The following SORCS1 variants were observed in gnomAD, a reference collection of about 807,000 sequenced individuals.
SORCS1 encodes the protein VPS10 domain-containing receptor SorCS1.
A neutral mutation model predicts 146.1 loss-of-function variants in SORCS1; 60 were observed. That is an observed-to-expected ratio of 0.41 (90% CI 0.33 to 0.51). The LOEUF (loss-of-function observed/expected upper bound fraction) is 0.51, where lower values mean the gene tolerates loss of function less well. SORCS1 is among the 20% of genes least tolerant of loss of function. SORCS1 has a pLI of 0.21. For missense variants in SORCS1, 1,352 were observed against 1,487.6 expected (o/e 0.91, Z 1.50); for synonymous variants, 637 against 584.0 (o/e 1.09, Z -1.31).
At chr10:106,906,843 G>A (rs1353248988) in intron 2 of SORCS1, among the ~76,000 whole-genome samples, 1 of 152,156 alleles carries the variant, frequency 6.6e-6, no homozygotes, top group Non-Finnish European at 1.5e-5. Context: ...AATAGAGTAT[G>A]GGATGTTCAA....
chr10:106,744,776 G>A (rs1857599464), intron 5 of SORCS1, among the ~76,000 whole-genome samples: 1 of 152,122 alleles, frequency 6.6e-6, no homozygotes, highest in African/African-American at 2.4e-5. Flanking sequence ...ACAGGAAAAG[G>A]TAAAACAGAG....
intron 2 of SORCS1, among the ~76,000 whole-genome samples, chr10:106,870,272 G>C (rs539196684): frequency 6.6e-6 from 1 of 152,278 alleles, no homozygotes; most frequent in African/African-American, 2.4e-5. Context: ...GCTGGCCAAA[G>C]CAACCTACAG....
At chr10:107,130,472 C>T (rs1467379126) in intron 1 of SORCS1, among the ~76,000 whole-genome samples, 2 of 152,144 alleles carry the variant, frequency 1.3e-5, no homozygotes, top group African/African-American at 4.8e-5. Context: ...TAATCAAAAA[C>T]TTTCCAAAAT....
intron 8 of SORCS1, among the ~76,000 whole-genome samples, chr10:106,704,561 G>T (rs927011817): frequency 1.1e-4 from 16 of 152,068 alleles, no homozygotes; most frequent in African/African-American, 3.4e-4. Context: ...TTGGTGGCAC[G>T]CTCCTGTAGT....
In SORCS1 at chr10:106,582,219, G is replaced by A. The variant is rs7896184; in HGVS notation, c.3266-2745C>T. 7.1e-3 allele frequency among the ~76,000 whole-genome samples: 1,085 copies of A among 151,898 alleles called. 17 individuals are homozygous for A. The highest frequency in any genetic ancestry group is 0.025 in the African/African-American group (1,028 of 41,388). On this transcript the variant is annotated intron_variant, in intron 24 of 25. Transcript: ENST00000263054. ...TCTCCCCATCCCCAGGTTGTCTTTC[G>A]ATTCTAAATCATTTACACTTAAATC...
chr10:106,761,471 C>A, intron 5 of SORCS1, 117 bp downstream of exon 5: 2 of 822,648 alleles, frequency 2.4e-6, no homozygotes, highest in South Asian at 3.0e-5. Flanking sequence ...GGGCATGTCC[C>A]AATAAGAACA....
intron 1 of SORCS1, among the ~76,000 whole-genome samples, chr10:107,095,191 T>C (rs1405205685): frequency 6.6e-6 from 1 of 152,134 alleles, no homozygotes; most frequent in Non-Finnish European, 1.5e-5. Context: ...GGAAAAAATA[T>C]AGCACCCACA....
intron 4 of SORCS1, among the ~76,000 whole-genome samples, chr10:106,764,476 AT>A (rs1236884184): frequency 7.2e-5 from 11 of 152,338 alleles, no homozygotes; most frequent in African/African-American, 2.6e-4. Flanking sequence ...AATAAAATTC[AT>A]AGTGTTGGCA....
At chr10:107,042,857 G>C (rs1221450849) in intron 1 of SORCS1, among the ~76,000 whole-genome samples, 1 of 152,076 alleles carries the variant, frequency 6.6e-6, no homozygotes, top group Non-Finnish European at 1.5e-5. Context: ...TGATCCACCT[G>C]CCTCGGCCTC....
intron 2 of SORCS1, among the ~76,000 whole-genome samples, chr10:106,836,679 G>C (rs1267967520): frequency 6.6e-6 from 1 of 151,868 alleles, no homozygotes; most frequent in Non-Finnish European, 1.5e-5. Flanking sequence ...GTAGACCAAA[G>C]CCTGGCTTTT....
At chr10:106,858,728 G>T (rs191724157) in intron 2 of SORCS1, among the ~76,000 whole-genome samples, 1 of 151,648 alleles carries the variant, frequency 6.6e-6, no homozygotes. Flanking sequence ...GTTTATTTTT[G>T]AGTATAAAAG....
intron 21 of SORCS1, among the ~76,000 whole-genome samples, chr10:106,616,555 G>T (rs911680476): frequency 6.6e-6 from 1 of 152,190 alleles, no homozygotes; most frequent in Non-Finnish European, 1.5e-5. Flanking sequence ...AAGAGAGGCA[G>T]ACTTTGCCGC....
chr10:106,737,995 C>G (rs1857083523), intron 5 of SORCS1, among the ~76,000 whole-genome samples: 1 of 151,922 alleles, frequency 6.6e-6, no homozygotes, highest in African/African-American at 2.4e-5. Flanking sequence ...CATACCAGAA[C>G]AAAAAATTAA....
chr10:107,062,858 G>A (rs566446839), intron 1 of SORCS1, among the ~76,000 whole-genome samples: 1 of 152,270 alleles, frequency 6.6e-6, no homozygotes, highest in Admixed American at 6.5e-5. Flanking sequence ...GTTTTTTACA[G>A]TGTTTCAGTC....
chr10:106,745,289 G>A (rs1279319320), intron 5 of SORCS1, among the ~76,000 whole-genome samples: 1 of 151,972 alleles, frequency 6.6e-6, no homozygotes, highest in Non-Finnish European at 1.5e-5. Flanking sequence ...GCAGGTGCCT[G>A]TAGTCCCAGC....
At position 107,108,003 on chromosome 10, in the gene SORCS1, G is replaced by A. The variant is rs562597267; in HGVS notation, c.558+55966C>T. Among the ~76,000 whole-genome samples, 409 of 152,264 alleles carry A rather than the reference G, an allele frequency of 2.7e-3. 2 individuals carry two copies. Among genetic ancestry groups the A allele is most frequent in the Middle Eastern group, 0.01 (3 of 294 alleles). Reference sequence around the variant, plus strand: ...ACAGAGAGGAGGCCTTCTCATCCACGAACGCAGAGGGAGAAATGCCTGCCT... The same window carrying A: ...ACAGAGAGGAGGCCTTCTCATCCACAAACGCAGAGGGAGAAATGCCTGCCT... On this transcript the variant is annotated intron_variant, in intron 1 of 25. Coordinates refer to ENST00000263054, the MANE Select transcript of SORCS1 (RefSeq NM_052918.5).
intron 1 of SORCS1, among the ~76,000 whole-genome samples, chr10:107,050,964 A>C (rs1292716534): frequency 6.6e-6 from 1 of 152,078 alleles, no homozygotes; most frequent in African/African-American, 2.4e-5. Context: ...ATATAGTATG[A>C]GCCAGGTTCT....
intron 1 of SORCS1, among the ~76,000 whole-genome samples, chr10:107,028,229 C>A (rs1208725029): frequency 3.9e-5 from 6 of 152,178 alleles, no homozygotes; most frequent in African/African-American, 1.4e-4. Context: ...AGCGTTTACA[C>A]TAACATATAT....
chr10:107,097,540 A>C (rs914327645), intron 1 of SORCS1, among the ~76,000 whole-genome samples: 2 of 152,170 alleles, frequency 1.3e-5, no homozygotes, highest in Non-Finnish European at 2.9e-5. Context: ...GAATGAGAGA[A>C]AGACCAAAGT....
Sources: gnomAD v4.1 joint callset for allele counts (sites outside exome capture counted in the v4.1 genomes callset) on GRCh38, gnomAD v4.1.1 for gene constraint, MANE v1.5 for transcripts, NCBI Gene and HGNC (gene_info 2026-07-23, HGNC 2026-07-21) for gene names.